CTDP1: variants seen among roughly 807,000 people sequenced by gnomAD.
CTDP1 encodes CTD phosphatase 1.
In CTDP1, 47 loss-of-function variants were observed where a neutral mutation model predicts 91.8. The observed-to-expected ratio is 0.51, with a 90% CI of 0.41 to 0.65. The LOEUF (loss-of-function observed/expected upper bound fraction) is 0.65. CTDP1 is among the 30% of genes least tolerant of loss of function. CTDP1 has a pLI of 0.00. For missense variants in CTDP1, 1,272 were observed against 1,373.7 expected (o/e 0.93, Z 1.17); for synonymous variants, 656 against 598.5 (o/e 1.10, Z -1.40).
At chr18:79,746,813 G>A (rs1266056602) in intron 12 of CTDP1, among the ~76,000 whole-genome samples, 2 of 152,122 alleles carry the variant, frequency 1.3e-5, no homozygotes, top group East Asian at 3.9e-4. Context: ...TAGAGATGGG[G>A]ACTTCCTTTG....
chr18:79,714,053 G>A (rs890395323), intron 7 of CTDP1, among the ~76,000 whole-genome samples: 2 of 149,716 alleles, frequency 1.3e-5, no homozygotes, highest in Admixed American at 6.7e-5. Flanking sequence ...AGGGGCTTAC[G>A]GCCACGGTGG....
At chr18:79,698,076 A>G (rs1219502912) in intron 4 of CTDP1, 88 bp downstream of exon 4, 8 of 1,554,840 alleles carry the variant, frequency 5.1e-6, no homozygotes, top group Admixed American at 1.9e-5. Flanking sequence ...TGTTTTTTAG[A>G]TGATTTCCCG....
intron 3 of CTDP1, among the ~76,000 whole-genome samples, chr18:79,696,312 T>G (rs1182173167): frequency 6.6e-6 from 1 of 152,172 alleles, no homozygotes; most frequent in Non-Finnish European, 1.5e-5. Flanking sequence ...CTGTGTGACC[T>G]GCGTGTCGGG....
chr18:79,716,971 C>T (rs1317796791), intron 8 of CTDP1, among the ~76,000 whole-genome samples: 1 of 152,158 alleles, frequency 6.6e-6, no homozygotes, highest in African/African-American at 2.4e-5. Context: ...TGGGGTGCAG[C>T]CGGGTGAGGG....
At chr18:79,703,324 T>C (rs1003457422) in intron 4 of CTDP1, among the ~76,000 whole-genome samples, 6 of 152,176 alleles carry the variant, frequency 3.9e-5, no homozygotes, top group Non-Finnish European at 7.3e-5. Context: ...GCTTAAGTCA[T>C]CTACCTTTTT....
intron 10 of CTDP1, 127 bp downstream of exon 10, chr18:79,718,143 T>A: frequency 9.0e-7 from 1 of 1,107,664 alleles, no homozygotes; most frequent in Non-Finnish European, 1.3e-6. Flanking sequence ...CGGTGACTCC[T>A]GCTTCCACCT....
chr18:79,716,731 G>A (rs1292187102), intron 8 of CTDP1, among the ~76,000 whole-genome samples: 1 of 152,256 alleles, frequency 6.6e-6, no homozygotes, highest in African/African-American at 2.4e-5. Flanking sequence ...CCAAGCTCCT[G>A]GCCCTTCTCT....
intron 1 of CTDP1, among the ~76,000 whole-genome samples, chr18:79,690,524 T>G (rs184990336): frequency 7.2e-5 from 11 of 152,322 alleles, no homozygotes; most frequent in African/African-American, 2.4e-4. Context: ...GTGGAGACGT[T>G]TCTCTGCCTG....
At chr18:79,726,188 G>C (rs933938426) in intron 10 of CTDP1, among the ~76,000 whole-genome samples, 1 of 152,134 alleles carries the variant, frequency 6.6e-6, no homozygotes, top group South Asian at 2.1e-4. Flanking sequence ...TGTTCAGCTC[G>C]TTTTCTCTGT....
At position 79,753,840 on chromosome 18, in the gene CTDP1, C is replaced by T. The variant is rs1161469934; in HGVS notation, c.*50C>T. 1.9e-6 allele frequency: 3 copies of T among 1,588,880 alleles called. No homozygotes were observed. Among genetic ancestry groups the T allele is most frequent in the African/African-American group, 1.3e-5 (1 of 74,458 alleles). ...AGCCTGACCGACCTCCAGCAGCACTCGGACGTCCCCGGACCAGCCCTCAGT... is the reference window on the plus strand; with the variant it reads ...AGCCTGACCGACCTCCAGCAGCACTTGGACGTCCCCGGACCAGCCCTCAGT... On this transcript the variant is annotated 3_prime_UTR_variant, in exon 13 of 13. Coordinates refer to ENST00000613122, the MANE Select transcript of CTDP1 (RefSeq NM_004715.5).
intron 10 of CTDP1, among the ~76,000 whole-genome samples, chr18:79,722,358 CT>C (rs1269359523): frequency 1.3e-5 from 2 of 152,198 alleles, no homozygotes; most frequent in African/African-American, 4.8e-5. Flanking sequence ...TTAGCTGTGC[CT>C]TCCGTGAGGA....
intron 5 of CTDP1, among the ~76,000 whole-genome samples, chr18:79,709,753 G>A (rs753478578): frequency 3.3e-5 from 5 of 152,188 alleles, no homozygotes; most frequent in African/African-American, 7.2e-5. Flanking sequence ...TTATTAAAAC[G>A]TGTATAATAG....
intron 1 of CTDP1, among the ~76,000 whole-genome samples, chr18:79,693,391 A>C (rs2085663360): frequency 6.6e-6 from 1 of 152,060 alleles, no homozygotes. Context: ...TCACCTTAGA[A>C]AGTTTAACAC....
intron 10 of CTDP1, among the ~76,000 whole-genome samples, chr18:79,721,547 G>A (rs996000803): frequency 6.6e-6 from 1 of 152,178 alleles, no homozygotes; most frequent in Non-Finnish European, 1.5e-5. Context: ...GCAGCCACAC[G>A]ATCAGTACTG....
intron 12 of CTDP1, among the ~76,000 whole-genome samples, chr18:79,740,272 G>A (rs1291197568): frequency 3.3e-5 from 5 of 152,234 alleles, no homozygotes; most frequent in East Asian, 3.9e-4. Flanking sequence ...ACGTGTGGCC[G>A]CGATAGCAGC....
At chr18:79,684,327 G>C (rs1442836702) in intron 1 of CTDP1, among the ~76,000 whole-genome samples, 1 of 152,220 alleles carries the variant, frequency 6.6e-6, no homozygotes, top group South Asian at 2.1e-4. Context: ...TTTTAACAAA[G>C]AAAGAAGAAT....
At chr18:79,742,097 C>G (rs2086789564) in intron 12 of CTDP1, among the ~76,000 whole-genome samples, 1 of 10,988 alleles carries the variant, frequency 9.1e-5, no homozygotes. Context: ...CTGGGGGCAG[C>G]AGAGGAGGCA....
chr18:79,683,638 C>T (rs530216993), intron 1 of CTDP1, among the ~76,000 whole-genome samples: 9 of 152,360 alleles, frequency 5.9e-5, no homozygotes, highest in South Asian at 2.1e-4. Flanking sequence ...AATGCGCAGG[C>T]GATCTGACGT....
chr18:79,748,605 C>T (rs2086927843), intron 12 of CTDP1, among the ~76,000 whole-genome samples: 1 of 152,220 alleles, frequency 6.6e-6, no homozygotes, highest in Non-Finnish European at 1.5e-5. Flanking sequence ...CGCCTGCCCG[C>T]AGGTTTCTTG....
Sources: gnomAD v4.1 joint callset for allele counts (sites outside exome capture counted in the v4.1 genomes callset) on GRCh38, gnomAD v4.1.1 for gene constraint, MANE v1.5 for transcripts, NCBI Gene and HGNC (gene_info 2026-07-23, HGNC 2026-07-21) for gene names.